Variants in LRRC8D observed in about 807,000 individuals in gnomAD.
LRRC8D encodes volume-regulated anion channel subunit LRRC8D.
Under a neutral mutation model 55.8 loss-of-function variants are expected in LRRC8D, and 20 were observed. The observed-to-expected ratio is 0.36, with a 90% CI of 0.25 to 0.52. The LOEUF (loss-of-function observed/expected upper bound fraction) is 0.52, where lower values mean the gene tolerates loss of function less well. Among genes scored for constraint, LRRC8D ranks in the 20% least tolerant of loss-of-function variants. The pLI, the probability that LRRC8D is intolerant of heterozygous loss-of-function variation, is 0.93. For missense variants in LRRC8D, 651 were observed against 1,030.8 expected (o/e 0.63, Z 5.05); for synonymous variants, 352 against 377.0 (o/e 0.93, Z 0.77).
chr1:89,894,748 T>A (rs936870035), intron 2 of LRRC8D, among the ~76,000 whole-genome samples: 2 of 152,224 alleles, frequency 1.3e-5, no homozygotes, highest in African/African-American at 4.8e-5. Flanking sequence ...GTGAGTGACA[T>A]AAGTAAATTT....
intron 2 of LRRC8D, among the ~76,000 whole-genome samples, chr1:89,914,844 G>A (rs548249201): frequency 9.9e-4 from 150 of 152,164 alleles, no homozygotes; most frequent in African/African-American, 3.4e-3. Context: ...GATTACAGGC[G>A]TGAGTCACTG....
At chr1:89,844,065 C>T (rs1039676209) in intron 2 of LRRC8D, among the ~76,000 whole-genome samples, 2 of 152,194 alleles carry the variant, frequency 1.3e-5, no homozygotes, top group East Asian at 3.9e-4. Flanking sequence ...TGCCAGTGCT[C>T]GGGGAGTCTT....
Position 89,843,625 on chromosome 1 carries a change from T to C in LRRC8D, c.-147-13T>C. 1.4e-6 allele frequency: 1 copy of C among 702,434 alleles called. No individual in the cohort carries two copies. Among genetic ancestry groups the C allele is most frequent in the East Asian group, 2.7e-5 (1 of 37,280 alleles). 43.5% of individuals were successfully genotyped at this position (702,434 alleles called of 1,614,324 possible). Reference sequence around the variant, plus strand: ...TCTCTCTAGCTCTTTCTCTCCCCTGTGTTTTCAAACAGGAAGTGCACGGCT... The same window carrying C: ...TCTCTCTAGCTCTTTCTCTCCCCTGCGTTTTCAAACAGGAAGTGCACGGCT... On this transcript the variant is annotated splice_polypyrimidine_tract_variant and intron_variant, in intron 1 of 2. Coordinates refer to ENST00000337338, the MANE Select transcript of LRRC8D (RefSeq NM_001134479.2).
chr1:89,868,535 C>G (rs1469250236), intron 2 of LRRC8D, among the ~76,000 whole-genome samples: 2 of 152,044 alleles, frequency 1.3e-5, no homozygotes, highest in Non-Finnish European at 1.5e-5. Context: ...TCCCCCACCC[C>G]CCACCAAATA....
intron 2 of LRRC8D, among the ~76,000 whole-genome samples, chr1:89,918,853 C>T (rs1172874943): frequency 6.6e-6 from 1 of 152,188 alleles, no homozygotes; most frequent in Non-Finnish European, 1.5e-5. Flanking sequence ...TTAATAGTGA[C>T]CTTTTCTCAC....
intron 2 of LRRC8D, among the ~76,000 whole-genome samples, chr1:89,865,329 A>ATTATAT (rs1661814784): frequency 9.9e-6 from 1 of 101,074 alleles, no homozygotes; most frequent in Non-Finnish European, 1.8e-5. Flanking sequence ...TAAACATGAA[A>ATTATAT]TTATATATAT....
intron 2 of LRRC8D, among the ~76,000 whole-genome samples, chr1:89,852,519 G>T (rs925060898): frequency 6.6e-6 from 1 of 152,192 alleles, no homozygotes; most frequent in Non-Finnish European, 1.5e-5. Flanking sequence ...AAGTTCTGAG[G>T]ATGCAATGTG....
intron 2 of LRRC8D, among the ~76,000 whole-genome samples, chr1:89,891,852 C>A (rs900767841): frequency 6.6e-6 from 1 of 152,210 alleles, no homozygotes; most frequent in African/African-American, 2.4e-5. Flanking sequence ...TCCAGCCTTT[C>A]CTTTCCCTTT....
intron 2 of LRRC8D, among the ~76,000 whole-genome samples, chr1:89,928,896 C>A (rs1663632400): frequency 6.6e-6 from 1 of 152,194 alleles, no homozygotes; most frequent in South Asian, 2.1e-4. Flanking sequence ...TTAGAGTGTT[C>A]ATTCTTGCAT....
At chr1:89,909,935 A>G (rs1457831392) in intron 2 of LRRC8D, among the ~76,000 whole-genome samples, 2 of 151,946 alleles carry the variant, frequency 1.3e-5, no homozygotes, top group African/African-American at 4.8e-5. Flanking sequence ...CTTGGCTCTA[A>G]TTTAAGTCCC....
At chr1:89,917,656 C>G (rs563591486) in intron 2 of LRRC8D, among the ~76,000 whole-genome samples, 19 of 152,240 alleles carry the variant, frequency 1.2e-4, no homozygotes, top group African/African-American at 4.6e-4. Context: ...CCTGATCTTG[C>G]CAGCTGGAGG....
intron 1 of LRRC8D, among the ~76,000 whole-genome samples, chr1:89,842,174 C>T (rs1352861375): frequency 1.4e-5 from 2 of 146,836 alleles, no homozygotes; most frequent in Non-Finnish European, 1.5e-5. Flanking sequence ...GATCACGCCA[C>T]TGCACTCCAG....
chr1:89,827,437 C>T (rs1256529850), intron 1 of LRRC8D, among the ~76,000 whole-genome samples: 3 of 151,984 alleles, frequency 2.0e-5, no homozygotes, highest in South Asian at 2.1e-4. Context: ...TTCGTGGGCA[C>T]CTAACCTTCA....
intron 2 of LRRC8D, among the ~76,000 whole-genome samples, chr1:89,926,737 A>T (rs1420055019): frequency 6.6e-6 from 1 of 152,220 alleles, no homozygotes; most frequent in Non-Finnish European, 1.5e-5. Flanking sequence ...TATTATGAAA[A>T]TAAATAGAGA....
chr1:89,930,874 G>A (rs1663688225), intron 2 of LRRC8D, among the ~76,000 whole-genome samples: 1 of 151,540 alleles, frequency 6.6e-6, no homozygotes, highest in African/African-American at 2.4e-5. Context: ...GCTTATCCAA[G>A]CCATTCATGA....
In LRRC8D at chr1:89,935,701, C is replaced by A; in HGVS notation, c.*56C>A. The A allele has an allele frequency of 6.7e-7, 1 of 1,495,244 alleles. No homozygotes were observed. Among genetic ancestry groups the A allele is most frequent in the South Asian group, 1.2e-5 (1 of 82,960 alleles). The allele number at this position is 1,495,244 out of a possible 1,614,324, so 92.6% of individuals were successfully genotyped here. A position where few individuals can be genotyped will look rare whatever the true frequency, so the allele number is the denominator to read the frequency against. ...GGAACAACTTCCTAGATTGCAAGTG[C>A]TCACGTACAAGTTATTACAAGATAA... On this transcript the variant is annotated 3_prime_UTR_variant, in exon 3 of 3. Coordinates refer to ENST00000337338, the MANE Select transcript of LRRC8D (RefSeq NM_001134479.2).
At chr1:89,845,626 A>AG (rs1175283928) in intron 2 of LRRC8D, among the ~76,000 whole-genome samples, 1 of 151,936 alleles carries the variant, frequency 6.6e-6, no homozygotes, top group Non-Finnish European at 1.5e-5. Flanking sequence ...TAGTAGAGAC[A>AG]GGGTTTCACC....
intron 2 of LRRC8D, among the ~76,000 whole-genome samples, chr1:89,914,256 C>CG (rs1322033655): frequency 2.0e-5 from 3 of 152,218 alleles, no homozygotes; most frequent in Non-Finnish European, 2.9e-5. Context: ...GCTCCGAGTG[C>CG]GGGGCCCACC....
rs1222698699 is a variant in LRRC8D, at chr1:89,923,044, A to G, written c.-2-10023A>G. ...TAAGAAAACAGGATCATAATTCTAAAAGGGTTATATTCAACCCTGTTGTTT... is the reference window on the plus strand; with the variant it reads ...TAAGAAAACAGGATCATAATTCTAAGAGGGTTATATTCAACCCTGTTGTTT... On this transcript the variant is annotated intron_variant, in intron 2 of 2. Transcript: ENST00000337338. Among the ~76,000 whole-genome samples, 3 of 151,752 alleles carry G rather than the reference A, an allele frequency of 2.0e-5. No homozygotes were observed. In the East Asian group the frequency reaches 5.8e-4, roughly 29 times the overall value.
Sources: allele counts gnomAD v4.1 joint callset (sites outside exome capture counted in the v4.1 genomes callset), GRCh38; gene constraint gnomAD v4.1.1; transcripts MANE v1.5; gene names NCBI Gene and HGNC (gene_info 2026-07-23, HGNC 2026-07-21).